The following MSRA variants were observed in gnomAD, a reference collection of about 807,000 sequenced individuals.
MSRA encodes the protein mitochondrial peptide methionine sulfoxide reductase.
MSRA carries 54 observed loss-of-function variants against 31.3 expected under a neutral mutation model. The ratio of observed to expected loss-of-function variants is 1.73; its 90% CI spans 1.39 to 2.17. MSRA has a LOEUF of 2.17. Ranked by LOEUF, MSRA falls within the 30% of genes most tolerant of loss-of-function variation. The probability of loss-of-function intolerance (pLI) is 0.00; values close to 1 mark genes in which losing one functional copy is unlikely to be tolerated. For missense variants in MSRA, 507 were observed against 300.9 expected (o/e 1.69, Z -5.07); for synonymous variants, 169 against 116.5 (o/e 1.45, Z -2.90).
At chr8:10,064,078 A>G (rs1006512836) in intron 1 of MSRA, among the ~76,000 whole-genome samples, 22 of 151,882 alleles carry the variant, frequency 1.4e-4, no homozygotes, top group Non-Finnish European at 3.2e-4. Context: ...CCTTTCCTGT[A>G]TTTGGTGCTT....
At chr8:10,272,880 A>G (rs1010333231) in intron 3 of MSRA, among the ~76,000 whole-genome samples, 1 of 107,152 alleles carries the variant, frequency 9.3e-6, no homozygotes, top group Non-Finnish European at 2.1e-5. Context: ...GAATGAATGA[A>G]TGGATGAATA....
chr8:10,405,770 C>T (rs896208862), intron 5 of MSRA, among the ~76,000 whole-genome samples: 1 of 49,822 alleles, frequency 2.0e-5, no homozygotes, highest in East Asian at 4.3e-4. Context: ...CTCACACACA[C>T]CTATGTGCTC....
chr8:10,178,908 A>C (rs1267390827), intron 1 of MSRA, among the ~76,000 whole-genome samples: 1 of 152,130 alleles, frequency 6.6e-6, no homozygotes, highest in Non-Finnish European at 1.5e-5. Context: ...GGATTCCTTC[A>C]TTAAGGCTCT....
intron 1 of MSRA, among the ~76,000 whole-genome samples, chr8:10,102,887 G>A (rs557277155): frequency 6.6e-6 from 1 of 152,242 alleles, no homozygotes; most frequent in African/African-American, 2.4e-5. Context: ...TTTGTACTGG[G>A]TGCAGTAACC....
intron 1 of MSRA, among the ~76,000 whole-genome samples, chr8:10,164,395 G>T (rs1269561070): frequency 6.6e-6 from 1 of 152,160 alleles, no homozygotes; most frequent in Non-Finnish European, 1.5e-5. Flanking sequence ...TGCTGGCTGG[G>T]TTTCTCCAAG....
chr8:10,084,249 A>G (rs1463080317), intron 1 of MSRA, among the ~76,000 whole-genome samples: 3 of 152,142 alleles, frequency 2.0e-5, no homozygotes, highest in African/African-American at 7.2e-5. Flanking sequence ...TGCATTTCTG[A>G]CCTGGGCCTT....
intron 4 of MSRA, among the ~76,000 whole-genome samples, chr8:10,310,171 T>G (rs1801359256): frequency 6.6e-6 from 1 of 152,200 alleles, no homozygotes; most frequent in South Asian, 2.1e-4. Context: ...TGCAAATAAT[T>G]AGACAGTGGG....
At chr8:10,314,123 G>A (rs1055559676) in intron 4 of MSRA, among the ~76,000 whole-genome samples, 10 of 151,904 alleles carry the variant, frequency 6.6e-5, no homozygotes, top group East Asian at 3.9e-4. Context: ...AGCACTAACC[G>A]TAAAGGAAAA....
intron 3 of MSRA, among the ~76,000 whole-genome samples, chr8:10,283,256 G>T (rs777700482): frequency 6.6e-6 from 1 of 151,810 alleles, no homozygotes; most frequent in Non-Finnish European, 1.5e-5. Context: ...TTAGATTTCA[G>T]TATCACACGG....
At chr8:10,154,309 C>A (rs1346297164) in intron 1 of MSRA, among the ~76,000 whole-genome samples, 2 of 151,904 alleles carry the variant, frequency 1.3e-5, no homozygotes, top group African/African-American at 4.8e-5. Context: ...TAAGGTAGCA[C>A]CCAAATCGGC....
At chr8:10,193,693 G>C (rs557619519) in intron 1 of MSRA, among the ~76,000 whole-genome samples, 110 of 152,266 alleles carry the variant, frequency 7.2e-4, no homozygotes, top group Non-Finnish European at 1.1e-3. Flanking sequence ...TGTCTGTGTC[G>C]TGTGTAGAAC....
intron 1 of MSRA, among the ~76,000 whole-genome samples, chr8:10,106,870 C>T (rs1799921745): frequency 6.6e-6 from 1 of 151,960 alleles, no homozygotes; most frequent in African/African-American, 2.4e-5. Flanking sequence ...CGCACCTACC[C>T]ACCTACCCCT....
chr8:10,191,927 G>A (rs892505743), intron 1 of MSRA, among the ~76,000 whole-genome samples: 17 of 152,114 alleles, frequency 1.1e-4, no homozygotes, highest in South Asian at 2.1e-4. Context: ...CTTAGGTCAC[G>A]ATTGTGGGCA....
intron 5 of MSRA, among the ~76,000 whole-genome samples, chr8:10,324,857 A>G (rs965188712): frequency 6.6e-6 from 1 of 152,226 alleles, no homozygotes; most frequent in African/African-American, 2.4e-5. Flanking sequence ...ATGAGGAAGC[A>G]TGTTTCCATT....
At chr8:10,123,361 T>C (rs1280841039) in intron 1 of MSRA, among the ~76,000 whole-genome samples, 1 of 152,244 alleles carries the variant, frequency 6.6e-6, no homozygotes. Flanking sequence ...CTTTGTCCAC[T>C]CTAATGGGGT....
At chr8:10,362,349 C>G (rs996399091) in intron 5 of MSRA, among the ~76,000 whole-genome samples, 1 of 151,310 alleles carries the variant, frequency 6.6e-6, no homozygotes, top group African/African-American at 2.4e-5. Flanking sequence ...TCCCTGCCCC[C>G]ATGAGCAAGT....
chr8:10,183,511 C>T (rs1198225717), intron 1 of MSRA, among the ~76,000 whole-genome samples: 1 of 152,104 alleles, frequency 6.6e-6, no homozygotes, highest in East Asian at 1.9e-4. Context: ...CAGGGGCAGA[C>T]CAAGGGTCTG....
Position 10,344,600 on chromosome 8 carries a change from A to G in MSRA, c.543+24611A>G, listed in dbSNP as rs4574849. On this transcript the variant is annotated intron_variant, in intron 5 of 5. Transcript: ENST00000317173. ...AAAAAAAAAAAAAAAAAAAAAAAAA[A>G]AAAGCCAGCCATTTCCAATGGCCTT... Among the ~76,000 whole-genome samples the G allele has an allele frequency of 3.9e-3, 576 of 147,684 alleles. 11 individuals are homozygous for G. Among genetic ancestry groups the G allele is most frequent in the Middle Eastern group, 0.021 (6 of 286 alleles).
chr8:10,409,831 G>T (rs547271899), intron 5 of MSRA, among the ~76,000 whole-genome samples: 183 of 152,374 alleles, frequency 1.2e-3, no homozygotes, highest in Non-Finnish European at 2.0e-3. Flanking sequence ...GAAGGCTGAG[G>T]TGGGAGGATC....
Sources: allele counts gnomAD v4.1 joint callset (sites outside exome capture counted in the v4.1 genomes callset), GRCh38; gene constraint gnomAD v4.1.1; transcripts MANE v1.5; gene names NCBI Gene and HGNC (gene_info 2026-07-23, HGNC 2026-07-21).